The following USH2A variants were observed in gnomAD, a reference collection of about 807,000 sequenced individuals.
USH2A encodes usherin.
Under a neutral mutation model 538.9 loss-of-function variants are expected in USH2A, and 443 were observed. The ratio of observed to expected loss-of-function variants is 0.82; its 90% CI spans 0.76 to 0.89. The LOEUF is 0.89. Among genes scored for constraint, USH2A ranks in the 40% least tolerant of loss-of-function variants. USH2A has a pLI of 0.00. For synonymous variants in USH2A, 2,413 were observed against 2,273.5 expected (o/e 1.06, Z -1.75); for missense variants, 6,633 against 6,324.8 (o/e 1.05, Z -1.65).
chr1:215,955,554 G>A (rs949958235), intron 37 of USH2A, among the ~76,000 whole-genome samples: 8 of 152,060 alleles, frequency 5.3e-5, no homozygotes, highest in Admixed American at 2.6e-4. Context: ...TTTGATTTCT[G>A]CTTCTTGGGT....
chr1:216,188,460 C>G (rs946019950), intron 20 of USH2A, among the ~76,000 whole-genome samples: 4 of 151,554 alleles, frequency 2.6e-5, no homozygotes, highest in African/African-American at 9.7e-5. Flanking sequence ...AGATGGGAAC[C>G]ACCATGATAT....
At chr1:215,705,383 A>C (rs1482330244) in intron 61 of USH2A, among the ~76,000 whole-genome samples, 3 of 152,168 alleles carry the variant, frequency 2.0e-5, no homozygotes, top group Non-Finnish European at 4.4e-5. Context: ...GTGGCAATTA[A>C]ACTCAATGTG....
chr1:215,799,849 G>T (rs1662269744), intron 49 of USH2A, among the ~76,000 whole-genome samples: 3 of 152,040 alleles, frequency 2.0e-5, no homozygotes, highest in African/African-American at 7.2e-5. Context: ...ATCCAGGCTT[G>T]GTGGTGCATG....
chr1:215,856,845 GTGT>G (rs1664184760), intron 44 of USH2A, among the ~76,000 whole-genome samples: 1 of 122,138 alleles, frequency 8.2e-6, no homozygotes, highest in African/African-American at 3.3e-5. Context: ...GTGTGTGTGT[GTGT>G]GTGTGTGTGT....
chr1:216,068,370 C>T (rs1265436717), intron 30 of USH2A, among the ~76,000 whole-genome samples: 1 of 152,050 alleles, frequency 6.6e-6, no homozygotes, highest in Non-Finnish European at 1.5e-5. Context: ...TTTGAATGAC[C>T]CTGGGAAGAA....
chr1:216,385,297 G>C (rs916485816), intron 3 of USH2A, among the ~76,000 whole-genome samples: 2 of 152,156 alleles, frequency 1.3e-5, no homozygotes, highest in Non-Finnish European at 2.9e-5. Context: ...TAAAGGGAAA[G>C]AATTAGTGTT....
intron 21 of USH2A, among the ~76,000 whole-genome samples, chr1:216,149,515 C>T (rs2033790876): frequency 6.6e-6 from 1 of 152,170 alleles, no homozygotes; most frequent in Non-Finnish European, 1.5e-5. Flanking sequence ...AAGGATTGGA[C>T]AGTACTTTTA....
chr1:215,986,949 T>A (rs1316961757), intron 35 of USH2A, among the ~76,000 whole-genome samples: 2 of 152,184 alleles, frequency 1.3e-5, no homozygotes, highest in Non-Finnish European at 2.9e-5. Context: ...AAAGAAACTA[T>A]TTTAGGTCGA....
chr1:215,627,532 CCTTTTTTT>C (rs1351988777), intron 71 of USH2A, among the ~76,000 whole-genome samples: 2 of 149,142 alleles, frequency 1.3e-5, no homozygotes, highest in African/African-American at 2.5e-5. Flanking sequence ...TTCCTTTTTT[CCTTTTTTT>C]CTTTTTTCAG....
intron 4 of USH2A, among the ~76,000 whole-genome samples, chr1:216,363,290 T>C (rs920020152): frequency 6.6e-6 from 1 of 152,144 alleles, no homozygotes; most frequent in African/African-American, 2.4e-5. Context: ...TGAAACACAG[T>C]AATGTTTTAC....
At chr1:215,691,473 G>A (rs1348305150) in intron 61 of USH2A, among the ~76,000 whole-genome samples, 1 of 152,048 alleles carries the variant, frequency 6.6e-6, no homozygotes, top group Non-Finnish European at 1.5e-5. Flanking sequence ...TTCTCTGCCT[G>A]CAACCCACTT....
intron 27 of USH2A, among the ~76,000 whole-genome samples, chr1:216,075,998 ATTTGT>A (rs1380267461): frequency 1.3e-5 from 2 of 152,106 alleles, no homozygotes; most frequent in Non-Finnish European, 2.9e-5. Flanking sequence ...AATGAACATG[ATTTGT>A]TTTAATTGCA....
chr1:215,701,763 CTT>C (rs1334646019), intron 61 of USH2A, among the ~76,000 whole-genome samples: 4 of 152,198 alleles, frequency 2.6e-5, no homozygotes, highest in Non-Finnish European at 2.9e-5. Context: ...GGTCTTGTCT[CTT>C]TATCCAATTT....
chr1:215,756,638 A>T (rs1002537570), intron 58 of USH2A, among the ~76,000 whole-genome samples: 3 of 152,182 alleles, frequency 2.0e-5, no homozygotes, highest in Admixed American at 2.0e-4. Context: ...TATACTAAAA[A>T]ATCGTGGCCA....
chr1:216,243,217 A>G (rs2035969982), intron 13 of USH2A, among the ~76,000 whole-genome samples: 2 of 152,326 alleles, frequency 1.3e-5, no homozygotes, highest in South Asian at 2.1e-4. Flanking sequence ...GAAGATCCCA[A>G]GAAGGGATTT....
rs1170706949 is a variant in USH2A at position 216,186,023 on chromosome 1, C to CT, written c.4396+4199dup. 2.0e-5 allele frequency among the ~76,000 whole-genome samples: 3 copies of CT among 151,652 alleles called. No homozygotes were observed. In the East Asian group the frequency reaches 5.8e-4, roughly 29 times the overall value. ...ATACTTTTGTCATATAAGAGACTTT[C>CT]TTTTTCTGCTGGGCAGGTGAAGAAT... On this transcript the variant is annotated intron_variant, in intron 20 of 71. Transcript: ENST00000307340.
intron 11 of USH2A, among the ~76,000 whole-genome samples, chr1:216,263,052 C>T (rs939507234): frequency 2.0e-5 from 3 of 152,048 alleles, no homozygotes; most frequent in Non-Finnish European, 1.5e-5. Flanking sequence ...TTTGTGGATA[C>T]ATACAACTGG....
In USH2A at chr1:216,405,006, G is replaced by A. The variant is rs2039370059; in HGVS notation, c.651+13508C>T. Among the ~76,000 whole-genome samples the A allele has an allele frequency of 4.6e-5, 7 of 150,856 alleles. No homozygotes were observed. The South Asian group carries it at 1.5e-3, about 32-fold the overall frequency. On this transcript the variant is annotated intron_variant, in intron 3 of 71. Coordinates refer to ENST00000307340, the MANE Select transcript of USH2A (RefSeq NM_206933.4). ...TCTCCCACCTCAGCCTCCCCCATAG[G>A]TGGAACTACAGACACACAGCACCAT...
In USH2A at chr1:216,251,074, TC is replaced by T; in HGVS notation, c.1995del (p.Arg666AspfsTer90). 6.2e-7 allele frequency: 1 copy of T among 1,614,080 alleles called. No individual in the cohort carries two copies. ...CDQIGGQCNC[K>X]RHVSGRQCNQ... ...TTGCACTGCCTGCCAGACACGTGTC[TC>T]TTACAATTACACTGTCCTCCAATCT... On this transcript the variant is annotated frameshift_variant, in exon 12 of 72. Coordinates refer to ENST00000307340, the MANE Select transcript of USH2A (RefSeq NM_206933.4). LOFTEE classifies it high-confidence loss of function.
Sources: gnomAD v4.1 joint callset for allele counts (sites outside exome capture counted in the v4.1 genomes callset) on GRCh38, gnomAD v4.1.1 for gene constraint, MANE v1.5 for transcripts, NCBI Gene and HGNC (gene_info 2026-07-23, HGNC 2026-07-21) for gene names.